The following PDE4C variants were observed in gnomAD, a reference collection of about 807,000 sequenced individuals.
PDE4C encodes phosphodiesterase 4C.
A neutral mutation model predicts 63.9 loss-of-function variants in PDE4C; 50 were observed. The ratio of observed to expected loss-of-function variants is 0.78; its 90% CI spans 0.62 to 0.99. The LOEUF is 0.99. PDE4C is among the 50% of genes least tolerant of loss of function. The pLI is 0.00. For synonymous variants in PDE4C, 377 were observed against 385.1 expected, an observed-to-expected ratio of 0.98 and a Z score of 0.25; for missense variants, 777 against 899.1, an observed-to-expected ratio of 0.86 and a Z score of 1.74.
chr19:18,215,717 G>A (rs1161982198), intron 12 of PDE4C, among the ~76,000 whole-genome samples: 1 of 151,764 alleles, frequency 6.6e-6, no homozygotes, highest in African/African-American at 2.4e-5. Flanking sequence ...GTTTCACCAT[G>A]TTGGCCAGGA....
the PDE4C span, among the ~76,000 whole-genome samples, chr19:18,254,114 A>G: frequency 6.6e-6 from 1 of 152,176 alleles, no homozygotes. Flanking sequence ...CATGGAACTC[A>G]GGCTGGGCTT....
Position 18,220,927 on chromosome 19 carries a change from C to A in PDE4C, c.450-4G>T. On this transcript the variant is annotated splice_polypyrimidine_tract_variant and splice_region_variant and intron_variant, in intron 4 of 14. Transcript: ENST00000262805. The surrounding 1 kb of genome is among the most constrained non-coding windows in gnomAD (Gnocchi z 5.1). ...AGGGTTTCCGACGGGTCCCTGCCTG[C>A]GGTACAGCAGCCTCAGGCGTGGCTG... 2 of 1,601,794 alleles carry A rather than the reference C, an allele frequency of 1.2e-6. No homozygotes were observed. Among genetic ancestry groups the A allele is most frequent in the South Asian group, 1.1e-5 (1 of 88,198 alleles).
intron 1 of PDE4C, among the ~76,000 whole-genome samples, chr19:18,245,052 G>T (rs773580381): frequency 3.2e-4 from 49 of 152,034 alleles, no homozygotes; most frequent in African/African-American, 9.7e-5. Context: ...GGCCAGGATG[G>T]TCTCGATCTC....
chr19:18,229,452 G>A (rs573125514), upstream of PDE4C, among the ~76,000 whole-genome samples: 1 of 152,138 alleles, frequency 6.6e-6, no homozygotes, highest in Non-Finnish European at 1.5e-5. Context: ...TGTTGGCCAG[G>A]CTGGTCTTGA....
At chr19:18,235,007 T>A (rs572810353), upstream of PDE4C, among the ~76,000 whole-genome samples, 33 of 152,324 alleles carry the variant, frequency 2.2e-4, no homozygotes, top group African/African-American at 7.5e-4. Context: ...AGTCTTTTTT[T>A]AAAATATTCT....
chr19:18,213,745 T>C (rs1483277528), intron 12 of PDE4C, among the ~76,000 whole-genome samples: 1 of 152,028 alleles, frequency 6.6e-6, no homozygotes, highest in Non-Finnish European at 1.5e-5. Context: ...GGGGAGGTGA[T>C]CAAATCTGTG....
At chr19:18,236,798 T>C (rs1362203239), upstream of PDE4C, 5 of 152,492 alleles carry the variant, frequency 3.3e-5, no homozygotes, top group African/African-American at 1.2e-4. Context: ...AGGGTTCAGA[T>C]GGACGAACTG....
upstream of PDE4C, among the ~76,000 whole-genome samples, chr19:18,249,567 G>A (rs554297772): frequency 2.5e-4 from 34 of 138,230 alleles, no homozygotes; most frequent in Admixed American, 1.6e-3. Context: ...AAGCCACTAC[G>A]CCTGGCCCTA....
intron 11 of PDE4C, chr19:18,217,162 T>G (rs1015401687): frequency 1.6e-4 from 48 of 308,966 alleles, no homozygotes; most frequent in African/African-American, 8.8e-4. Flanking sequence ...AGTAATGTTT[T>G]TTTTTTTTCT....
At chr19:18,221,528 T>C (rs1968484686) in intron 2 of PDE4C, among the ~76,000 whole-genome samples, 1 of 152,118 alleles carries the variant, frequency 6.6e-6, no homozygotes, top group Admixed American at 6.6e-5. Flanking sequence ...TAGGGGTACG[T>C]AGATATTTCC....
At chr19:18,243,608 T>A (rs893598882) in intron 1 of PDE4C, among the ~76,000 whole-genome samples, 1 of 152,156 alleles carries the variant, frequency 6.6e-6, no homozygotes, top group African/African-American at 2.4e-5. Context: ...GGATCTGGAA[T>A]TATGGGGGAC....
At chr19:18,236,451 G>C (rs756698695), upstream of PDE4C, among the ~76,000 whole-genome samples, 1 of 151,922 alleles carries the variant, frequency 6.6e-6, no homozygotes, top group African/African-American at 2.4e-5. Context: ...TCGAACTCCC[G>C]ATCTCAAGTG....
upstream of PDE4C, chr19:18,250,076 T>A (rs577044616): frequency 2.5e-6 from 1 of 398,690 alleles, no homozygotes; most frequent in Admixed American, 4.4e-5. Flanking sequence ...GTTCTGCTCC[T>A]CCCCAGGAAC....
At chr19:18,232,408 T>TGCGC (rs1555696802) in intron 1 of PDE4C, among the ~76,000 whole-genome samples, 2 of 149,712 alleles carry the variant, frequency 1.3e-5, no homozygotes, top group Non-Finnish European at 3.0e-5. Flanking sequence ...TGTGTGTGTG[T>TGCGC]GCGTGTGTGT....
At chr19:18,218,196 T>C (rs1414674563) in exon 11 of PDE4C, 2 of 1,614,200 alleles carry the variant, frequency 1.2e-6, no homozygotes, top group Non-Finnish European at 1.7e-6. Context: ...GTCCACGTCG[T>C]GGATGGCGCT....
chr19:18,233,091 C>A lies in PDE4C; in HGVS notation c.101G>T (p.Arg34Leu), dbSNP rs1357838247. ...GATGCGGATGGGGCGCCGGGGTTGC[C>A]GCCACAGGTGCTTCGGGGCTCTGGT... The change falls in exon 1 of 15, where the codon CGG becomes CTG. Residue 34 changes from arginine to leucine, a missense_variant. Arg to Leu is a moderately radical substitution (Grantham distance 102, BLOSUM62 -2). Transcript: ENST00000594465. 3 of 1,570,734 alleles carry A rather than the reference C, an allele frequency of 1.9e-6. No homozygotes were observed. Among genetic ancestry groups the A allele is most frequent in the African/African-American group, 2.7e-5 (2 of 74,142 alleles).
At chr19:18,253,538 G>A in the PDE4C span, among the ~76,000 whole-genome samples, 2 of 116,516 alleles carry the variant, frequency 1.7e-5, no homozygotes, top group African/African-American at 3.7e-5. Context: ...GCAACAGAGT[G>A]AGACTCCGTC....
chr19:18,212,050 G>A (rs1967974262), intron 13 of PDE4C, 109 bp from the exon 14 acceptor site: 11 of 1,083,768 alleles, frequency 1.0e-5, no homozygotes, highest in South Asian at 1.0e-4. Context: ...TACAGGTGGG[G>A]AAACTGAGGC....
At chr19:18,246,475 G>A (rs1004098061) in intron 1 of PDE4C, among the ~76,000 whole-genome samples, 1 of 151,792 alleles carries the variant, frequency 6.6e-6, no homozygotes, top group South Asian at 2.1e-4. Flanking sequence ...GAGCCACCGC[G>A]CCCAGACTAC....
Sources: allele counts gnomAD v4.1 joint callset (sites outside exome capture counted in the v4.1 genomes callset), GRCh38; gene constraint gnomAD v4.1.1; non-coding constraint Gnocchi (gnomAD v3.1); transcripts MANE v1.5; gene names NCBI Gene and HGNC (gene_info 2026-07-23, HGNC 2026-07-21).